The following GLRA2 variants were observed in gnomAD, a reference collection of about 807,000 sequenced individuals.
The protein encoded by GLRA2 is glycine receptor alpha 2.
In GLRA2, 11 loss-of-function variants were observed where a neutral mutation model predicts 31.6. The observed-to-expected ratio is 0.35, with a 90% CI of 0.22 to 0.58. GLRA2 has a LOEUF of 0.58. GLRA2 is among the 20% of genes least tolerant of loss of function. GLRA2 has a pLI of 0.84. For missense variants in GLRA2, 212 were observed against 351.8 expected, an observed-to-expected ratio of 0.60 and a Z score of 3.18; for synonymous variants, 132 against 134.0, an observed-to-expected ratio of 0.99 and a Z score of 0.10.
intron 2 of GLRA2, among the ~76,000 whole-genome samples, chrX:14,572,928 T>C (rs1215158117): frequency 9.0e-6 from 1 of 111,675 alleles, no homozygotes; most frequent in African/African-American, 3.3e-5. Flanking sequence ...ATAAATCCTG[T>C]TATACAAAAG....
At chrX:14,450,273 C>T in the GLRA2 span, among the ~76,000 whole-genome samples, 1 of 112,323 alleles carries the variant, frequency 8.9e-6, no homozygotes, top group African/African-American at 3.2e-5. Context: ...ACAACCTGCT[C>T]TGACTTTGCC....
At chrX:14,723,489 G>T (rs1451600037) in intron 8 of GLRA2, among the ~76,000 whole-genome samples, 1 of 112,169 alleles carries the variant, frequency 8.9e-6, no homozygotes, top group Non-Finnish European at 1.9e-5. Context: ...CAACCAAAGT[G>T]ATTTATTTCA....
chrX:14,583,466 C>T (rs1283041431), intron 4 of GLRA2, among the ~76,000 whole-genome samples: 1 of 112,661 alleles, frequency 8.9e-6, no homozygotes, highest in African/African-American at 3.2e-5. Flanking sequence ...CGGCTGGGCG[C>T]CGTGGGTCAC....
At chrX:14,486,366 C>G in the GLRA2 span, among the ~76,000 whole-genome samples, 1 of 111,155 alleles carries the variant, frequency 9.0e-6, no homozygotes, top group East Asian at 2.8e-4. Context: ...GACAGATACA[C>G]AAATGAAGTA....
At chrX:14,652,310 A>G (rs1328468852) in intron 7 of GLRA2, among the ~76,000 whole-genome samples, 1 of 111,636 alleles carries the variant, frequency 9.0e-6, no homozygotes, top group Non-Finnish European at 1.9e-5. Flanking sequence ...GACATAAGTA[A>G]GGGCAGAAAA....
chrX:14,505,604 T>C, the GLRA2 span, among the ~76,000 whole-genome samples: 5 of 112,180 alleles, frequency 4.5e-5, no homozygotes, highest in African/African-American at 1.6e-4. Context: ...TTAGACATTC[T>C]TCTGAATGTC....
At chrX:14,592,241 A>T (rs187614676) in intron 4 of GLRA2, among the ~76,000 whole-genome samples, 1 of 112,029 alleles carries the variant, frequency 8.9e-6, no homozygotes, top group Non-Finnish European at 1.9e-5. Flanking sequence ...CAGAATTTCA[A>T]GGTGCCTGTC....
At chrX:14,538,282 A>G (rs1386982348) in intron 2 of GLRA2, among the ~76,000 whole-genome samples, 1 of 110,621 alleles carries the variant, frequency 9.0e-6, no homozygotes, top group African/African-American at 3.3e-5. Flanking sequence ...TACCTACCTC[A>G]CTTGGGTTGT....
intron 2 of GLRA2, among the ~76,000 whole-genome samples, chrX:14,565,169 C>T (rs888338261): frequency 1.8e-5 from 2 of 111,864 alleles, no homozygotes; most frequent in African/African-American, 6.5e-5. Flanking sequence ...AATCAAAAGA[C>T]ATATACTGGC....
chrX:14,705,800 T>C (rs1013480988), intron 8 of GLRA2, among the ~76,000 whole-genome samples: 18 of 112,079 alleles, frequency 1.6e-4, no homozygotes, highest in African/African-American at 5.8e-4. Context: ...GCATGAATTT[T>C]GTTGGGTGTA....
chrX:14,637,613 AG>A (rs1271672170), intron 7 of GLRA2, among the ~76,000 whole-genome samples: 3 of 112,048 alleles, frequency 2.7e-5, no homozygotes, highest in Non-Finnish European at 3.8e-5. Flanking sequence ...GGCTAATTAT[AG>A]GCTTTGCATA....
the GLRA2 span, among the ~76,000 whole-genome samples, chrX:14,510,603 T>C: frequency 4.5e-3 from 499 of 110,535 alleles, 4 homozygotes; most frequent in African/African-American, 0.016. Context: ...AAAGTAAGAG[T>C]GTACCATCCT....
intron 7 of GLRA2, among the ~76,000 whole-genome samples, chrX:14,671,626 G>T (rs28534853): frequency 0.024 from 2,716 of 111,754 alleles, 84 homozygotes; most frequent in African/African-American, 0.082. Context: ...AGGCTTCCTT[G>T]CATGCATGTC....
intron 3 of GLRA2, among the ~76,000 whole-genome samples, chrX:14,580,288 T>C (rs2090002026): frequency 8.9e-6 from 1 of 112,639 alleles, no homozygotes; most frequent in Non-Finnish European, 1.9e-5. Flanking sequence ...ATCACACTTG[T>C]GGTCACACGT....
chrX:14,603,381 G>C (rs1416364306), intron 4 of GLRA2, among the ~76,000 whole-genome samples: 1 of 111,290 alleles, frequency 9.0e-6, no homozygotes, highest in Non-Finnish European at 1.9e-5. Context: ...TGGGTTGTCT[G>C]TTTACTCTGC....
intron 7 of GLRA2, among the ~76,000 whole-genome samples, chrX:14,632,990 C>T (rs2090668122): frequency 9.0e-6 from 1 of 111,445 alleles, no homozygotes; most frequent in Non-Finnish European, 1.9e-5. Flanking sequence ...AGGTCTCTGT[C>T]ACAATTATTC....
intron 2 of GLRA2, among the ~76,000 whole-genome samples, chrX:14,565,177 G>C (rs774271045): frequency 8.9e-6 from 1 of 111,853 alleles, no homozygotes; most frequent in African/African-American, 3.2e-5. Flanking sequence ...GACATATACT[G>C]GCAGAATGGA....
the GLRA2 span, among the ~76,000 whole-genome samples, chrX:14,516,288 T>C: frequency 1.8e-5 from 2 of 111,945 alleles, no homozygotes; most frequent in Non-Finnish European, 3.8e-5. Flanking sequence ...AGCTAATCTG[T>C]CTTTAGCATT....
chrX:14,652,472 T>G (rs2090899584), intron 7 of GLRA2, among the ~76,000 whole-genome samples: 1 of 111,782 alleles, frequency 8.9e-6, no homozygotes, highest in South Asian at 3.8e-4. Context: ...GTCGCAACCC[T>G]GCACCAAGCA....
Sources: gnomAD v4.1 joint callset for allele counts (sites outside exome capture counted in the v4.1 genomes callset) on GRCh38, gnomAD v4.1.1 for gene constraint, MANE v1.5 for transcripts, NCBI Gene and HGNC (gene_info 2026-07-23, HGNC 2026-07-21) for gene names.